Variants in CSGALNACT1 observed in about 807,000 individuals in gnomAD.
CSGALNACT1 encodes the protein chondroitin sulfate N-acetylgalactosaminyltransferase 1, also known as beta4GalNAcT-1.
CSGALNACT1 carries 52 observed loss-of-function variants against 51.0 expected under a neutral mutation model. That is an observed-to-expected ratio of 1.02 (90% CI 0.82 to 1.29). The LOEUF (loss-of-function observed/expected upper bound fraction) is 1.29. Among genes scored for constraint, CSGALNACT1 ranks in the 50% most tolerant of loss-of-function variants. CSGALNACT1 has a pLI of 0.00. For synonymous variants in CSGALNACT1, 341 were observed against 254.4 expected, an observed-to-expected ratio of 1.34 and a Z score of -3.24; for missense variants, 935 against 679.2, an observed-to-expected ratio of 1.38 and a Z score of -4.19.
chr8:19,578,766 C>T (rs558629552), intron 3 of CSGALNACT1, among the ~76,000 whole-genome samples: 83 of 152,290 alleles, frequency 5.5e-4, no homozygotes, highest in African/African-American at 2.0e-3. Flanking sequence ...TGACGTCTGC[C>T]TCTACCACTC....
chr8:19,567,747 TC>T (rs2042182971), intron 3 of CSGALNACT1, among the ~76,000 whole-genome samples: 1 of 152,028 alleles, frequency 6.6e-6, no homozygotes, highest in Admixed American at 6.5e-5. Flanking sequence ...AAATCCAAAA[TC>T]CAAATGAAAA....
chr8:19,686,677 C>T (rs942326492), upstream of CSGALNACT1, among the ~76,000 whole-genome samples: 7 of 152,318 alleles, frequency 4.6e-5, no homozygotes, highest in South Asian at 8.3e-4. Context: ...TGGAGCTTTT[C>T]ACCACCTCTC....
At chr8:19,681,406 A>G (rs80053347) in intron 1 of CSGALNACT1, among the ~76,000 whole-genome samples, 1,657 of 152,120 alleles carry the variant, frequency 0.011, 35 homozygotes, top group African/African-American at 0.038. Flanking sequence ...TCGCGCCCCC[A>G]TCCCCATCGC....
chr8:19,747,555 C>T (rs1345819287), intron 1 of CSGALNACT1, among the ~76,000 whole-genome samples: 2 of 152,118 alleles, frequency 1.3e-5, no homozygotes, highest in African/African-American at 2.4e-5. Context: ...TGAGAGCACC[C>T]CAGACCCAAA....
In CSGALNACT1 at chr8:19,492,822, CTGT is replaced by C. The variant is rs140428536; in HGVS notation, c.634+12376_634+12378del. ...ACTGGAAATTCATCTTTATAGTAAT[CTGT>C]TGACTATGATCAGGAATAATATGAA... On this transcript the variant is annotated intron_variant, in intron 4 of 9. Transcript: ENST00000454498. Among the ~76,000 whole-genome samples the C allele has an allele frequency of 4.0e-3, 611 of 152,294 alleles. 4 individuals are homozygous for C. The highest frequency in any genetic ancestry group is 0.013 in the African/African-American group (559 of 41,572).
chr8:19,455,026 G>A (rs532291375), intron 5 of CSGALNACT1, among the ~76,000 whole-genome samples: 25 of 152,172 alleles, frequency 1.6e-4, no homozygotes, highest in African/African-American at 5.8e-4. Flanking sequence ...TTCCCAGCTG[G>A]CAAGCAATTC....
exon 10 of CSGALNACT1, chr8:19,405,845 A>G (rs1448498786): frequency 6.2e-7 from 1 of 1,613,912 alleles, no homozygotes; most frequent in Non-Finnish European, 8.5e-7. Context: ...TCGTGCCTGA[A>G]CACCAGCATG....
chr8:19,721,501 G>A (rs2063127424), intron 1 of CSGALNACT1, among the ~76,000 whole-genome samples: 1 of 152,190 alleles, frequency 6.6e-6, no homozygotes, highest in Admixed American at 6.5e-5. Context: ...GAAACTCGGA[G>A]GAATAATCAT....
intron 1 of CSGALNACT1, among the ~76,000 whole-genome samples, chr8:19,631,521 T>G (rs1442277947): frequency 1.3e-5 from 2 of 152,192 alleles, no homozygotes; most frequent in Non-Finnish European, 2.9e-5. Flanking sequence ...TTTCAGAAAC[T>G]TCAGCCAATC....
At chr8:19,420,665 G>A (rs562506030) in intron 6 of CSGALNACT1, 147 bp from the exon 6 acceptor site, 89 of 825,136 alleles carry the variant, frequency 1.1e-4, no homozygotes, top group African/African-American at 6.7e-4. Context: ...GTTACAGAAC[G>A]GCCCAGACTC....
chr8:19,581,733 T>C (rs1362167860), intron 3 of CSGALNACT1, among the ~76,000 whole-genome samples: 1 of 152,152 alleles, frequency 6.6e-6, no homozygotes, highest in African/African-American at 2.4e-5. Context: ...ATCAGCAACA[T>C]ATTAATACAT....
At chr8:19,420,780 T>C (rs1445329580) in intron 6 of CSGALNACT1, among the ~76,000 whole-genome samples, 2 of 152,204 alleles carry the variant, frequency 1.3e-5, no homozygotes, top group Admixed American at 6.5e-5. Flanking sequence ...AAAACACTCT[T>C]GTCATCATTA....
At chr8:19,591,312 T>G (rs762611344) in intron 2 of CSGALNACT1, 6 of 152,134 alleles carry the variant, frequency 3.9e-5, no homozygotes, top group Non-Finnish European at 7.3e-5. Context: ...AAGAATTACT[T>G]AAATACACCC....
At chr8:19,492,476 C>T (rs1353395481) in intron 4 of CSGALNACT1, among the ~76,000 whole-genome samples, 2 of 152,234 alleles carry the variant, frequency 1.3e-5, no homozygotes, top group Admixed American at 6.5e-5. Flanking sequence ...TTACTAATGT[C>T]TAGTATGAAC....
At chr8:19,496,617 G>C (rs2075513201) in intron 4 of CSGALNACT1, among the ~76,000 whole-genome samples, 1 of 152,178 alleles carries the variant, frequency 6.6e-6, no homozygotes. Flanking sequence ...TAGAATCCAA[G>C]ACTTTTTTGG....
intron 3 of CSGALNACT1, among the ~76,000 whole-genome samples, chr8:19,569,604 A>T (rs1329369295): frequency 6.6e-6 from 1 of 152,124 alleles, no homozygotes; most frequent in Admixed American, 6.5e-5. Context: ...GCTTTCAAGG[A>T]TGTGGAGCAA....
intron 1 of CSGALNACT1, among the ~76,000 whole-genome samples, chr8:19,701,717 G>A (rs970181640): frequency 2.0e-5 from 3 of 152,138 alleles, no homozygotes; most frequent in Non-Finnish European, 4.4e-5. Context: ...TCTATGCAGC[G>A]CATCCTACAT....
At chr8:19,644,007 G>A (rs2154178850) in intron 1 of CSGALNACT1, among the ~76,000 whole-genome samples, 1 of 152,330 alleles carries the variant, frequency 6.6e-6, no homozygotes, top group Admixed American at 6.5e-5. Flanking sequence ...TGTGTACATA[G>A]GAGCATTGTT....
intron 1 of CSGALNACT1, among the ~76,000 whole-genome samples, chr8:19,701,491 A>G (rs71510656): frequency 0.057 from 8,635 of 152,160 alleles, 330 homozygotes; most frequent in South Asian, 0.1. Flanking sequence ...AGTGCCAGCA[A>G]CTGTGTACCT....
Sources: gnomAD v4.1 joint callset for allele counts (sites outside exome capture counted in the v4.1 genomes callset) on GRCh38, gnomAD v4.1.1 for gene constraint, MANE v1.5 for transcripts, NCBI Gene and HGNC (gene_info 2026-07-23, HGNC 2026-07-21) for gene names.